MLKL: variants seen among roughly 807,000 people sequenced by gnomAD.
The protein encoded by MLKL is mixed lineage kinase domain-like protein.
MLKL carries 55 observed loss-of-function variants against 56.5 expected under a neutral mutation model. The observed-to-expected ratio is 0.97, with a 90% CI of 0.78 to 1.22. The LOEUF (loss-of-function observed/expected upper bound fraction) is 1.22, where lower values mean the gene tolerates loss of function less well. Among genes scored for constraint, MLKL ranks in the 50% most tolerant of loss-of-function variants. MLKL has a pLI of 0.00. For missense variants in MLKL, 694 were observed against 573.9 expected (o/e 1.21, Z -2.14); for synonymous variants, 251 against 208.3 (o/e 1.20, Z -1.76).
Position 74,675,618 on chromosome 16 carries a change from T to G in MLKL, c.1185A>C (p.Ile395=). ...VFYQYDVKSE[I]YSFGIVLWEI... The stretch of plus-strand genomic sequence containing the variant: ...GTACCAGAACGTGAGTGTACCTGTA[T>G]ATTTCAGACTTTACATCATATTGAT... The change falls in exon 8 of 11, where the codon ATA becomes ATC. Residue 395 remains isoleucine (I), a synonymous_variant. Coordinates refer to ENST00000308807, the MANE Select transcript of MLKL (RefSeq NM_152649.4). The G allele has an allele frequency of 6.2e-7, 1 of 1,613,124 alleles. No individual in the cohort carries two copies. The highest frequency in any genetic ancestry group is 8.5e-7 in the Non-Finnish European group (1 of 1,179,896).
rs1264612499 is a variant in MLKL at position 74,686,502 on chromosome 16, G to A, written c.723-919C>T. 2.6e-5 allele frequency among the ~76,000 whole-genome samples: 4 copies of A among 152,306 alleles called. No individual in the cohort carries two copies. The East Asian group carries it at 7.7e-4, about 29-fold the overall frequency. On this transcript the variant is annotated intron_variant, in intron 4 of 10. Transcript: ENST00000308807. ...GGAGGCTGAGGCAGGAGAACGGCGT[G>A]AACCCAGGAGGTGGAGCTTGCAGTG... is the stretch of plus-strand genomic sequence containing the variant.
Position 74,691,308 on chromosome 16 carries a change from C to T in MLKL, c.691G>A (p.Val231Ile), listed in dbSNP as rs577105895. 10 of 1,611,484 alleles carry T rather than the reference C, an allele frequency of 6.2e-6. No individual in the cohort carries two copies. Among genetic ancestry groups the T allele is most frequent in the Non-Finnish European group, 8.5e-6 (10 of 1,179,274 alleles). ...CTGCCAGCCTGGAGTTTTTTGAATA[C>T]TTTTATGGCCACTGGAGCTCTGTGG... The part of the protein sequence containing the change: ...EYHRAPVAIK[V>I]FKKLQAGSIA... The change falls in exon 4 of 11, where the codon GTA becomes ATA. Residue 231 changes from valine (V) to isoleucine (I), a missense_variant. Coordinates refer to ENST00000308807, the MANE Select transcript of MLKL (RefSeq NM_152649.4).
intron 4 of MLKL, among the ~76,000 whole-genome samples, chr16:74,685,843 A>G (rs1319430062): frequency 6.6e-6 from 1 of 152,162 alleles, no homozygotes; most frequent in African/African-American, 2.4e-5. Context: ...AGTCTGATAG[A>G]ATTGTATTTT....
chr16:74,697,288 T>G (rs950094275), intron 1 of MLKL, among the ~76,000 whole-genome samples: 2 of 151,888 alleles, frequency 1.3e-5, no homozygotes, highest in African/African-American at 4.8e-5. Flanking sequence ...AGAATCTGAG[T>G]CTTTGATGAC....
At chr16:74,679,294 G>A (rs908749641) in intron 6 of MLKL, among the ~76,000 whole-genome samples, 4 of 152,176 alleles carry the variant, frequency 2.6e-5, no homozygotes, top group South Asian at 2.1e-4. Flanking sequence ...GGGCAGATCC[G>A]AGAGCTCAGA....
intron 7 of MLKL, 28 bp downstream of exon 7, chr16:74,678,871 C>A: frequency 6.3e-7 from 1 of 1,597,734 alleles, no homozygotes; most frequent in Non-Finnish European, 8.6e-7. Flanking sequence ...CAGGTTTGAC[C>A]CAAAGCGCCC....
In MLKL at chr16:74,682,696, C is replaced by A. The variant is rs1960060739; in HGVS notation, c.911G>T (p.Gly304Val). 1 of 1,614,120 alleles carries A rather than the reference C, an allele frequency of 6.2e-7. No homozygotes were observed. The highest frequency in any genetic ancestry group is 8.5e-7 in the Non-Finnish European group (1 of 1,180,026). ...CCCCAGGACTAGGACCATGCGCTTG[C>A]CAAGTGTGAGGTCTTTTTCCCTATC... Reference protein sequence around the residue: ...LLDREKDLTLGKRMVLVLGAA... With the variant: ...LLDREKDLTLVKRMVLVLGAA... Residue 304 changes from glycine to valine, a missense_variant, in exon 6 of 11, where the codon GGC (glycine) becomes GTC (valine). Coordinates refer to ENST00000308807, the MANE Select transcript of MLKL (RefSeq NM_152649.4).
At chr16:74,688,052 C>T (rs528703928) in intron 4 of MLKL, among the ~76,000 whole-genome samples, 3 of 152,342 alleles carry the variant, frequency 2.0e-5, no homozygotes, top group East Asian at 3.9e-4. Context: ...TCTTGATCTC[C>T]TGACCTGGTG....
At position 74,698,664 on chromosome 16, in the gene MLKL, G is replaced by T. The variant is rs1349912773; in HGVS notation, c.-3+1789C>A. Among the ~76,000 whole-genome samples the T allele has an allele frequency of 2.0e-5, 3 of 152,318 alleles. No homozygotes were observed. In the East Asian group the frequency reaches 5.8e-4, roughly 29 times the overall value. ...TGTTCAAGGAATCTTGCAAATTGTAGCTTCCTAGCTCTAAGCTCCAGTTAT... is the reference window on the plus strand; with the variant it reads ...TGTTCAAGGAATCTTGCAAATTGTATCTTCCTAGCTCTAAGCTCCAGTTAT... On this transcript the variant is annotated intron_variant, in intron 1 of 10. Transcript: ENST00000308807.
intron 7 of MLKL, 98 bp from the exon 8 acceptor site, chr16:74,675,862 TTTTACC>T: frequency 7.7e-7 from 1 of 1,302,470 alleles, no homozygotes; most frequent in Non-Finnish European, 1.1e-6. Flanking sequence ...GGGAATTGTC[TTTTACC>T]TTAGGGATTT....
chr16:74,693,641 C>T (rs1352836157), intron 2 of MLKL, among the ~76,000 whole-genome samples: 3 of 140,330 alleles, frequency 2.1e-5, no homozygotes, highest in Non-Finnish European at 4.5e-5. Flanking sequence ...ATCTCTCTGT[C>T]GCCCAGGCTG....
chr16:74,695,944 T>C (rs1002535764), intron 1 of MLKL, among the ~76,000 whole-genome samples, 185 bp from the exon 2 acceptor site: 8 of 152,214 alleles, frequency 5.3e-5, no homozygotes, highest in Middle Eastern at 3.2e-3. Context: ...ATAATAGAGT[T>C]GTAGCTGGGA....
intron 6 of MLKL, among the ~76,000 whole-genome samples, chr16:74,681,998 C>T (rs1476735009): frequency 6.6e-6 from 1 of 152,072 alleles, no homozygotes; most frequent in Non-Finnish European, 1.5e-5. Flanking sequence ...GTAATCCCAG[C>T]ACTTTGGAAA....
intron 4 of MLKL, among the ~76,000 whole-genome samples, chr16:74,690,379 T>G (rs1211839089): frequency 6.6e-6 from 1 of 152,186 alleles, no homozygotes; most frequent in Non-Finnish European, 1.5e-5. Context: ...GCCCATCATT[T>G]TCTCTCCTGG....
chr16:74,676,183 G>T, intron 7 of MLKL: 1 of 945,994 alleles, frequency 1.1e-6, no homozygotes, highest in Non-Finnish European at 1.3e-6. Context: ...CAAAGAAGCA[G>T]ATGGAAAAAT....
intron 1 of MLKL, among the ~76,000 whole-genome samples, chr16:74,699,348 G>C (rs1199940078): frequency 6.6e-6 from 1 of 152,076 alleles, no homozygotes; most frequent in Non-Finnish European, 1.5e-5. Flanking sequence ...GAAATTAGTA[G>C]GGATAACCAG....
intron 9 of MLKL, 100 bp from the exon 10 acceptor site, chr16:74,675,200 G>A: frequency 1.9e-6 from 3 of 1,556,638 alleles, no homozygotes; most frequent in Non-Finnish European, 2.6e-6. Context: ...TCTGAGTATG[G>A]AAACAACAAG....
intron 2 of MLKL, among the ~76,000 whole-genome samples, chr16:74,693,615 T>C (rs1327589748): frequency 6.7e-6 from 1 of 150,070 alleles, no homozygotes; most frequent in Non-Finnish European, 1.5e-5. Flanking sequence ...TTTTTTTTTT[T>C]TTTTTTTGAG....
intron 4 of MLKL, among the ~76,000 whole-genome samples, chr16:74,689,997 A>G (rs1309835496): frequency 6.6e-6 from 1 of 152,242 alleles, no homozygotes; most frequent in Non-Finnish European, 1.5e-5. Flanking sequence ...CCAGAGCACA[A>G]ATAAAAAGCT....
Sources: gnomAD v4.1 joint callset for allele counts (sites outside exome capture counted in the v4.1 genomes callset) on GRCh38, gnomAD v4.1.1 for gene constraint, MANE v1.5 for transcripts, NCBI Gene and HGNC (gene_info 2026-07-23, HGNC 2026-07-21) for gene names.